Variants in NRG1 observed in about 807,000 individuals in gnomAD.
NRG1 encodes the protein neuregulin 1.
NRG1 carries 18 observed loss-of-function variants against 63.8 expected under a neutral mutation model. The ratio of observed to expected loss-of-function variants is 0.28; its 90% CI spans 0.19 to 0.42. NRG1 has a LOEUF of 0.42. Among genes scored for constraint, NRG1 ranks in the 10% least tolerant of loss-of-function variants. The pLI is 1.00. For missense variants in NRG1, 762 were observed against 814.7 expected, an observed-to-expected ratio of 0.94 and a Z score of 0.79; for synonymous variants, 302 against 301.3, an observed-to-expected ratio of 1.00 and a Z score of -0.02.
chr8:32,709,951 T>G (rs1817403928), intron 5 of NRG1, among the ~76,000 whole-genome samples: 1 of 152,212 alleles, frequency 6.6e-6, no homozygotes. Context: ...TTTAAATATG[T>G]CTGCCACTCT....
At chr8:31,854,774 C>T (rs1467186304) in intron 1 of NRG1, among the ~76,000 whole-genome samples, 1 of 152,100 alleles carries the variant, frequency 6.6e-6, no homozygotes, top group Non-Finnish European at 1.5e-5. Context: ...CCTCTACACA[C>T]TGCTTTGAAT....
At chr8:32,299,044 A>AAAAAG (rs1563286897) in intron 1 of NRG1, among the ~76,000 whole-genome samples, 2 of 151,052 alleles carry the variant, frequency 1.3e-5, no homozygotes, top group Non-Finnish European at 1.5e-5. Context: ...AAAAAAAAAA[A>AAAAAG]AAAAGAAAGA....
intron 1 of NRG1, among the ~76,000 whole-genome samples, chr8:32,449,136 A>G (rs1336527537): frequency 2.0e-5 from 3 of 152,032 alleles, no homozygotes; most frequent in Admixed American, 1.3e-4. Flanking sequence ...CTCTACAAAA[A>G]AAGTACAACA....
At chr8:32,145,391 A>G (rs985665972) in intron 1 of NRG1, among the ~76,000 whole-genome samples, 2 of 152,086 alleles carry the variant, frequency 1.3e-5, no homozygotes, top group Admixed American at 1.3e-4. Flanking sequence ...GACAAAGAAT[A>G]TATTTCCCAT....
At chr8:32,408,141 G>A (rs1814360048) in intron 1 of NRG1, among the ~76,000 whole-genome samples, 1 of 152,168 alleles carries the variant, frequency 6.6e-6, no homozygotes, top group African/African-American at 2.4e-5. Context: ...CTAGGTCACT[G>A]AACATACTTG....
chr8:32,452,342 G>T (rs1821065004), intron 1 of NRG1, among the ~76,000 whole-genome samples: 1 of 152,104 alleles, frequency 6.6e-6, no homozygotes. Flanking sequence ...TTGAGTTGGG[G>T]AGGCTTTATG....
chr8:32,354,191 A>G (rs767509479), intron 1 of NRG1, among the ~76,000 whole-genome samples: 6 of 152,104 alleles, frequency 3.9e-5, no homozygotes, highest in Middle Eastern at 3.2e-3. Context: ...CCACATGGCA[A>G]AACCCCGTCT....
At chr8:32,388,136 G>T (rs1211204593) in intron 1 of NRG1, among the ~76,000 whole-genome samples, 1 of 152,158 alleles carries the variant, frequency 6.6e-6, no homozygotes, top group Non-Finnish European at 1.5e-5. Context: ...TGTTCCTTTT[G>T]ATGTCTTTGT....
At chr8:31,715,685 T>C (rs377410242) in intron 1 of NRG1, among the ~76,000 whole-genome samples, 137 of 152,272 alleles carry the variant, frequency 9.0e-4, no homozygotes, top group African/African-American at 3.2e-3. Flanking sequence ...AGGAACTGTG[T>C]TGGGTGCGGG....
chr8:32,264,501 G>A (rs1850712300), intron 1 of NRG1, among the ~76,000 whole-genome samples: 1 of 152,136 alleles, frequency 6.6e-6, no homozygotes. Flanking sequence ...TAACTCCAAG[G>A]TTCAGAATTG....
chr8:32,733,464 AAT>A (rs1327997265), intron 6 of NRG1, among the ~76,000 whole-genome samples: 1 of 141,912 alleles, frequency 7.0e-6, no homozygotes, highest in Non-Finnish European at 1.5e-5. Flanking sequence ...CGTATTTGAT[AAT>A]ATATATAATG....
intron 1 of NRG1, among the ~76,000 whole-genome samples, chr8:31,960,181 T>C (rs1008433226): frequency 5.3e-5 from 8 of 152,320 alleles, no homozygotes; most frequent in African/African-American, 1.4e-4. Flanking sequence ...GGATGGAAGA[T>C]ACAAAAGAGA....
chr8:31,726,238 A>G (rs1243880037), intron 1 of NRG1, among the ~76,000 whole-genome samples: 1 of 152,198 alleles, frequency 6.6e-6, no homozygotes, highest in Admixed American at 6.5e-5. Flanking sequence ...ATATAAGTAT[A>G]ACAAATAAAG....
intron 6 of NRG1, among the ~76,000 whole-genome samples, chr8:32,732,778 CTG>C (rs1824020281): frequency 7.0e-6 from 1 of 142,968 alleles, no homozygotes; most frequent in East Asian, 2.1e-4. Flanking sequence ...TTTTAACAGA[CTG>C]TGTTATCATG....
At chr8:32,743,746 A>ATTT (rs1826927032) in intron 7 of NRG1, among the ~76,000 whole-genome samples, 2 of 151,712 alleles carry the variant, frequency 1.3e-5, no homozygotes, top group East Asian at 3.9e-4. Context: ...AACTGGACAC[A>ATTT]TATAACTTCT....
intron 5 of NRG1, among the ~76,000 whole-genome samples, chr8:32,655,962 C>A (rs145923695): frequency 3.3e-5 from 5 of 152,276 alleles, no homozygotes; most frequent in African/African-American, 4.8e-5. Flanking sequence ...GTTCACCTTA[C>A]TCTTTTTATT....
chr8:32,650,963 C>A (rs1334581525), intron 5 of NRG1, among the ~76,000 whole-genome samples: 2 of 152,164 alleles, frequency 1.3e-5, no homozygotes, highest in East Asian at 3.9e-4. Context: ...CTTCTTTATC[C>A]TGGAGCCTGA....
intron 1 of NRG1, among the ~76,000 whole-genome samples, chr8:32,113,997 C>T (rs78167436): frequency 0.064 from 9,686 of 152,212 alleles, 597 homozygotes; most frequent in African/African-American, 0.16. Flanking sequence ...CAAGACCATG[C>T]CATTTAAACA....
chr8:32,748,458 A>G (rs1828003255), intron 7 of NRG1, among the ~76,000 whole-genome samples: 1 of 150,874 alleles, frequency 6.6e-6, no homozygotes, highest in Non-Finnish European at 1.5e-5. Flanking sequence ...GGTTTTGAGA[A>G]TGAAAAGTGT....
Sources: allele counts gnomAD v4.1 joint callset (sites outside exome capture counted in the v4.1 genomes callset), GRCh38; gene constraint gnomAD v4.1.1; transcripts MANE v1.5; gene names NCBI Gene and HGNC (gene_info 2026-07-23, HGNC 2026-07-21).